The following BBX variants were observed in gnomAD, a reference collection of about 807,000 sequenced individuals.
The protein encoded by BBX is BBX high mobility group box domain containing.
A neutral mutation model predicts 100.2 loss-of-function variants in BBX; 30 were observed. The observed-to-expected ratio is 0.30, with a 90% CI of 0.22 to 0.41. The LOEUF is 0.41. Ranked by LOEUF, BBX falls within the 10% of genes least tolerant of loss-of-function variation. The pLI is 1.00. For missense variants in BBX, 1,023 were observed against 1,129.8 expected, an observed-to-expected ratio of 0.91 and a Z score of 1.35; for synonymous variants, 376 against 388.1, an observed-to-expected ratio of 0.97 and a Z score of 0.37.
chr3:107,734,927 C>G (rs902981106), intron 7 of BBX, among the ~76,000 whole-genome samples: 17 of 152,060 alleles, frequency 1.1e-4, no homozygotes, highest in African/African-American at 4.1e-4. Context: ...TCAAAGAAAG[C>G]TAAATGATTG....
rs2071271459 is a variant in BBX, at chr3:107,811,279, T to C, written c.*5822T>C. 1 of 152,234 alleles carries C rather than the reference T, an allele frequency of 6.6e-6. No homozygotes were observed. The highest frequency in any genetic ancestry group is 1.5e-5 in the Non-Finnish European group (1 of 68,044). 9.4% of individuals were successfully genotyped at this position (152,234 alleles called of 1,614,324 possible). On this transcript the variant is annotated 3_prime_UTR_variant, in exon 18 of 18. Transcript: ENST00000325805. ...TGTGCCTTTAATGTACCATTTTCAC[T>C]AAAAACAGTAGGAAAAATACTAATA... is the stretch of plus-strand genomic sequence containing the variant.
intron 10 of BBX, among the ~76,000 whole-genome samples, chr3:107,768,355 A>C (rs2066565792): frequency 2.0e-5 from 3 of 152,202 alleles, no homozygotes; most frequent in Admixed American, 2.0e-4. Context: ...ATGTTTTGTG[A>C]ACAAAATGGG....
At chr3:107,715,568 T>C (rs1369311504) in intron 4 of BBX, among the ~76,000 whole-genome samples, 3 of 152,268 alleles carry the variant, frequency 2.0e-5, no homozygotes, top group Non-Finnish European at 4.4e-5. Flanking sequence ...TGTTTATAGT[T>C]ACATTGTTTC....
chr3:107,553,619 C>T (rs557558887), intron 2 of BBX, among the ~76,000 whole-genome samples: 7 of 152,092 alleles, frequency 4.6e-5, no homozygotes, highest in African/African-American at 7.2e-5. Flanking sequence ...ACAAGAAAAC[C>T]GTAGCTGGCA....
intron 2 of BBX, among the ~76,000 whole-genome samples, chr3:107,563,399 C>A (rs557829582): frequency 6.6e-6 from 1 of 152,266 alleles, no homozygotes; most frequent in Non-Finnish European, 1.5e-5. Context: ...GCCTGCATTT[C>A]TTTTTATTAA....
At chr3:107,536,762 C>T (rs925827478) in intron 2 of BBX, among the ~76,000 whole-genome samples, 4 of 152,094 alleles carry the variant, frequency 2.6e-5, no homozygotes, top group Non-Finnish European at 5.9e-5. Flanking sequence ...AATGTTGGTG[C>T]TTGACCTAGA....
chr3:107,780,277 A>T (rs777560521), intron 13 of BBX, among the ~76,000 whole-genome samples: 1 of 152,146 alleles, frequency 6.6e-6, no homozygotes, highest in Non-Finnish European at 1.5e-5. Context: ...TGTGCAGGAC[A>T]TTATTCCTTC....
intron 3 of BBX, among the ~76,000 whole-genome samples, chr3:107,686,377 T>C (rs2059847618): frequency 6.6e-6 from 1 of 152,054 alleles, no homozygotes; most frequent in Admixed American, 6.5e-5. Context: ...GTTTGAGCAG[T>C]AGTAGATTTA....
chr3:107,692,988 A>G (rs891107281), intron 3 of BBX, among the ~76,000 whole-genome samples: 2 of 148,492 alleles, frequency 1.3e-5, no homozygotes, highest in Admixed American at 1.3e-4. Flanking sequence ...TGGCTGCATA[A>G]ATGTCTTCTT....
intron 8 of BBX, among the ~76,000 whole-genome samples, chr3:107,747,666 T>G (rs1458442605): frequency 6.6e-6 from 1 of 152,102 alleles, no homozygotes; most frequent in Non-Finnish European, 1.5e-5. Context: ...TTTTTTTTTT[T>G]TAAGTAAGGA....
intron 6 of BBX, among the ~76,000 whole-genome samples, chr3:107,732,193 C>T (rs2107526787): frequency 6.6e-6 from 1 of 152,308 alleles, no homozygotes; most frequent in South Asian, 2.1e-4. Flanking sequence ...GCTGGGATTA[C>T]AGGCATGAGC....
In BBX at chr3:107,696,277, A is replaced by G. The variant is rs540121925; in HGVS notation, c.-9-14175A>G. On this transcript the variant is annotated intron_variant, in intron 3 of 17. Transcript: ENST00000325805. ...GTTATTTTGCTCGTTAGTTGATCGC[A>G]GTTTCTTCCTAGTCTCAATGGTCTT... Among the ~76,000 whole-genome samples the G allele has an allele frequency of 7.9e-5, 12 of 151,906 alleles. No homozygotes were observed. The East Asian group carries it at 2.1e-3, about 27-fold the overall frequency.
intron 2 of BBX, among the ~76,000 whole-genome samples, chr3:107,567,978 T>C (rs2051047902): frequency 1.3e-5 from 2 of 152,028 alleles, no homozygotes; most frequent in Non-Finnish European, 2.9e-5. Flanking sequence ...TATTCTCTTA[T>C]TCTCCTCCAT....
chr3:107,649,229 A>G (rs1038341550), intron 3 of BBX, among the ~76,000 whole-genome samples: 5 of 152,212 alleles, frequency 3.3e-5, no homozygotes, highest in African/African-American at 9.6e-5. Flanking sequence ...GTCTCATGAC[A>G]TGGGGATTAG....
chr3:107,772,598 G>A (rs1049666282), intron 10 of BBX, 30 bp from the exon 11 acceptor site: 3 of 1,535,682 alleles, frequency 2.0e-6, no homozygotes, highest in East Asian at 2.3e-5. Flanking sequence ...ATACTTTCGG[G>A]TGCTCTCCCA....
chr3:107,744,966 A>G (rs1028563419), intron 8 of BBX, among the ~76,000 whole-genome samples: 30 of 152,208 alleles, frequency 2.0e-4, no homozygotes, highest in African/African-American at 7.2e-4. Flanking sequence ...ATTTTTACTC[A>G]TGGATAGTAA....
At position 107,780,541 on chromosome 3, in the gene BBX, A is replaced by G. The variant is rs929587880; in HGVS notation, c.2203+2022A>G. On this transcript the variant is annotated intron_variant, in intron 13 of 17. Coordinates refer to ENST00000325805, the MANE Select transcript of BBX (RefSeq NM_001142568.3). Reference sequence around the variant, plus strand: ...CATACAATATCATCTTAACTCTTCCATTATACCTCTCAAGCCACAAAGTCA... The same window carrying G: ...CATACAATATCATCTTAACTCTTCCGTTATACCTCTCAAGCCACAAAGTCA... Among the ~76,000 whole-genome samples, 101 of 152,188 alleles carry G rather than the reference A, an allele frequency of 6.6e-4. 1 individual carries two copies. Among genetic ancestry groups the G allele is most frequent in the African/African-American group, 2.3e-3 (95 of 41,560 alleles).
At chr3:107,576,305 A>C (rs1462885743) in intron 2 of BBX, among the ~76,000 whole-genome samples, 1 of 152,222 alleles carries the variant, frequency 6.6e-6, no homozygotes, top group African/African-American at 2.4e-5. Context: ...GCTTAGAATT[A>C]AATAGCTATT....
At chr3:107,591,612 C>T (rs2053319211) in intron 2 of BBX, among the ~76,000 whole-genome samples, 2 of 152,170 alleles carry the variant, frequency 1.3e-5, no homozygotes, top group East Asian at 1.9e-4. Context: ...CTCATACTCC[C>T]GAGTAGCTGG....
Sources: allele counts gnomAD v4.1 joint callset (sites outside exome capture counted in the v4.1 genomes callset), GRCh38; gene constraint gnomAD v4.1.1; transcripts MANE v1.5; gene names NCBI Gene and HGNC (gene_info 2026-07-23, HGNC 2026-07-21).